Variants in PKIB observed in about 807,000 individuals in gnomAD.
PKIB encodes the protein cAMP-dependent protein kinase inhibitor beta, also known as PKI-beta.
PKIB carries 2 observed loss-of-function variants against 4.5 expected under a neutral mutation model. The observed-to-expected ratio is 0.44, with a 90% confidence interval of 0.18 to 1.39. The LOEUF (loss-of-function observed/expected upper bound fraction) is 1.39. Ranked by LOEUF, PKIB falls within the 40% of genes most tolerant of loss-of-function variation. The pLI, the probability that PKIB is intolerant of heterozygous loss-of-function variation, is 0.27. For synonymous variants in PKIB, 38 were observed against 36.0 expected (o/e 1.06, Z -0.20); for missense variants, 94 against 92.6 (o/e 1.02, Z -0.06).
At chr6:122,630,345 G>T (rs74449903) in intron 1 of PKIB, among the ~76,000 whole-genome samples, 3,405 of 152,090 alleles carry the variant, frequency 0.022, 125 homozygotes, top group African/African-American at 0.076. Context: ...TTTATTTAAG[G>T]CTTTATTCAG....
intron 2 of PKIB, among the ~76,000 whole-genome samples, chr6:122,493,664 C>T (rs1359181864): frequency 6.6e-6 from 1 of 152,140 alleles, no homozygotes; most frequent in Non-Finnish European, 1.5e-5. Flanking sequence ...TTGTTTTCTT[C>T]CATGACCCTG....
chr6:122,651,752 C>CA (rs1776563752), intron 2 of PKIB, among the ~76,000 whole-genome samples: 1 of 152,144 alleles, frequency 6.6e-6, no homozygotes, highest in African/African-American at 2.4e-5. Context: ...TGCTTTTGGG[C>CA]AGACACAGAA....
chr6:122,612,052 A>G (rs1157450364), intron 1 of PKIB, among the ~76,000 whole-genome samples: 1 of 152,210 alleles, frequency 6.6e-6, no homozygotes, highest in African/African-American at 2.4e-5. Flanking sequence ...CTAATGGACC[A>G]CATTATGCAG....
At chr6:122,657,144 T>G (rs1219213089) in intron 2 of PKIB, among the ~76,000 whole-genome samples, 1 of 152,206 alleles carries the variant, frequency 6.6e-6, no homozygotes, top group East Asian at 1.9e-4. Context: ...TACTTCTTAT[T>G]TTGTCTTTAA....
At chr6:122,477,471 G>A (rs1471249158) in intron 1 of PKIB, among the ~76,000 whole-genome samples, 2 of 152,126 alleles carry the variant, frequency 1.3e-5, no homozygotes, top group Admixed American at 1.3e-4. Flanking sequence ...TAATCATTTA[G>A]GCTATCAAAG....
chr6:122,703,783 T>C lies in PKIB; in HGVS notation c.-8-14004T>C, dbSNP rs554802181. On this transcript the variant is annotated intron_variant, in intron 3 of 4. Transcript: ENST00000368452. ...TTTTACATATATACATACACACACA[T>C]ATATATACATATATGTATATATGTA... Among the ~76,000 whole-genome samples, 58 of 150,604 alleles carry C rather than the reference T, an allele frequency of 3.9e-4. 1 individual carries two copies. Among genetic ancestry groups the C allele is most frequent in the African/African-American group, 1.4e-3 (57 of 41,162 alleles).
At chr6:122,697,937 C>A (rs2115017983) in intron 3 of PKIB, among the ~76,000 whole-genome samples, 1 of 152,062 alleles carries the variant, frequency 6.6e-6, no homozygotes, top group South Asian at 2.1e-4. Context: ...TATTTGGGTA[C>A]CTGTGAAACA....
At chr6:122,688,741 T>G (rs1582813194) in intron 3 of PKIB, among the ~76,000 whole-genome samples, 2 of 152,060 alleles carry the variant, frequency 1.3e-5, no homozygotes, top group South Asian at 4.1e-4. Context: ...TTTTCCAATT[T>G]ATTCCATATA....
intron 2 of PKIB, among the ~76,000 whole-genome samples, chr6:122,669,814 C>G (rs1370613339): frequency 1.3e-5 from 2 of 152,092 alleles, no homozygotes; most frequent in African/African-American, 4.8e-5. Context: ...TTCGGTGTAG[C>G]CTATCACCAC....
intron 2 of PKIB, among the ~76,000 whole-genome samples, chr6:122,566,791 G>A (rs1773209757): frequency 6.6e-6 from 1 of 152,034 alleles, no homozygotes; most frequent in Non-Finnish European, 1.5e-5. Flanking sequence ...ATTCTTATGT[G>A]GTTGGATATT....
At chr6:122,643,503 T>C (rs1272100136) in intron 2 of PKIB, 1 of 151,958 alleles carries the variant, frequency 6.6e-6, no homozygotes, top group African/African-American at 2.4e-5. Context: ...AGTTAAGTGA[T>C]ACGTTACAAG....
chr6:122,592,197 A>G (rs1294718978), intron 3 of PKIB, among the ~76,000 whole-genome samples: 2 of 152,040 alleles, frequency 1.3e-5, no homozygotes, highest in African/African-American at 4.8e-5. Context: ...AGAATAATAA[A>G]TTTATTTTGG....
intron 4 of PKIB, among the ~76,000 whole-genome samples, chr6:122,719,955 T>A (rs2115083978): frequency 6.6e-6 from 1 of 152,294 alleles, no homozygotes; most frequent in East Asian, 1.9e-4. Context: ...ACATAGATAA[T>A]ATTTTATTAA....
chr6:122,515,995 G>A (rs1776738647), intron 2 of PKIB, among the ~76,000 whole-genome samples: 1 of 152,122 alleles, frequency 6.6e-6, no homozygotes, highest in Non-Finnish European at 1.5e-5. Flanking sequence ...TTACAGGCGT[G>A]AACCACCACG....
At chr6:122,561,301 A>G (rs1053930823) in intron 2 of PKIB, among the ~76,000 whole-genome samples, 2 of 152,016 alleles carry the variant, frequency 1.3e-5, no homozygotes, top group Admixed American at 6.6e-5. Flanking sequence ...TTTTGACCCA[A>G]TGCTCATTCA....
At chr6:122,666,649 T>C (rs910706968) in intron 2 of PKIB, among the ~76,000 whole-genome samples, 3 of 152,202 alleles carry the variant, frequency 2.0e-5, no homozygotes, top group Admixed American at 1.3e-4. Flanking sequence ...ACTGATCTTA[T>C]CAAGGTAGGG....
chr6:122,546,676 TGAA>T (rs1772503006), intron 2 of PKIB, among the ~76,000 whole-genome samples: 2 of 152,142 alleles, frequency 1.3e-5, no homozygotes, highest in Non-Finnish European at 2.9e-5. Context: ...TATATTCAGA[TGAA>T]GAACCTGTGG....
At chr6:122,705,136 T>A (rs1344097469) in intron 3 of PKIB, among the ~76,000 whole-genome samples, 2 of 152,226 alleles carry the variant, frequency 1.3e-5, no homozygotes, top group Non-Finnish European at 2.9e-5. Context: ...CAAATTATTA[T>A]AAACAAGATC....
chr6:122,617,719 G>A (rs139364704), intron 1 of PKIB, among the ~76,000 whole-genome samples: 1,747 of 152,074 alleles, frequency 0.011, 33 homozygotes, highest in African/African-American at 0.041. Context: ...TCTGAAATAC[G>A]AATTAAGTTT....
Sources: gnomAD v4.1 joint callset for allele counts (sites outside exome capture counted in the v4.1 genomes callset) on GRCh38, gnomAD v4.1.1 for gene constraint, MANE v1.5 for transcripts, NCBI Gene and HGNC (gene_info 2026-07-23, HGNC 2026-07-21) for gene names.